MYBPC1: variants seen among roughly 807,000 people sequenced by gnomAD.
MYBPC1 encodes the protein myosin binding protein C1, also known as myosin-binding protein C, slow-type.
In MYBPC1, 52 loss-of-function variants were observed where a neutral mutation model predicts 147.1. The observed-to-expected ratio is 0.35, with a 90% CI of 0.28 to 0.45. The LOEUF (loss-of-function observed/expected upper bound fraction) is 0.45. Ranked by LOEUF, MYBPC1 falls within the 20% of genes least tolerant of loss-of-function variation. The pLI, the probability that MYBPC1 is intolerant of heterozygous loss-of-function variation, is 1.00. For missense variants in MYBPC1, 1,228 were observed against 1,440.3 expected, an observed-to-expected ratio of 0.85 and a Z score of 2.39; for synonymous variants, 477 against 475.9, an observed-to-expected ratio of 1.00 and a Z score of -0.03.
intron 29 of MYBPC1, among the ~76,000 whole-genome samples, chr12:101,681,745 A>C (rs950890909): frequency 6.7e-6 from 1 of 150,106 alleles, no homozygotes; most frequent in African/African-American, 2.5e-5. Context: ...AGTAGCTGGG[A>C]TTACAGGCAT....
At position 101,601,729 on chromosome 12, in the gene MYBPC1, C is replaced by CT. The variant is rs201401513; in HGVS notation, c.25+6643dup. ...TTAGATCTTATGATTTTGTTCTATT[C>CT]TTTTTTTTTGATGTGTATTTAGCTA... On this transcript the variant is annotated intron_variant, in intron 1 of 31. Transcript: ENST00000361466. Among the ~76,000 whole-genome samples, 1,004 of 151,030 alleles carry CT rather than the reference C, an allele frequency of 6.6e-3. 14 individuals are homozygous for CT. The highest frequency in any genetic ancestry group is 0.018 in the African/African-American group (750 of 40,956).
the MYBPC1 span, among the ~76,000 whole-genome samples, chr12:101,694,894 C>T: frequency 6.6e-6 from 1 of 151,984 alleles, no homozygotes; most frequent in Non-Finnish European, 1.5e-5. Flanking sequence ...GTTTATTTAC[C>T]CATTCAATAT....
rs1419291364 is a variant in MYBPC1 at position 101,675,296 on chromosome 12, T to C, written c.2814T>C (p.Arg938=). The C allele has an allele frequency of 1.2e-6, 2 of 1,613,916 alleles. No homozygotes were observed. Among genetic ancestry groups the C allele is most frequent in the East Asian group, 4.5e-5 (2 of 44,886 alleles). The part of the protein sequence containing the change: ...TASIDIQIID[R]PGPPQIVKIE... ...CACCATGAATTCATCCTGTAGACCG[T>C]CCAGGTCCACCCCAAATTGTGAAGA... is the stretch of plus-strand genomic sequence containing the variant. Residue 938 remains arginine (R), a synonymous_variant, in exon 26 of 32, where the codon CGT becomes CGC. Coordinates refer to ENST00000361466, the MANE Select transcript of MYBPC1 (RefSeq NM_002465.4).
At chr12:101,678,259 A>C in intron 28 of MYBPC1, 21 bp downstream of exon 28, 2 of 1,613,444 alleles carry the variant, frequency 1.2e-6, no homozygotes, top group African/African-American at 1.3e-5. Context: ...CTTCTATCAC[A>C]TCAGTTAAAG....
chr12:101,601,826 TG>T (rs1880112727), intron 1 of MYBPC1, among the ~76,000 whole-genome samples: 1 of 152,214 alleles, frequency 6.6e-6, no homozygotes, highest in African/African-American at 2.4e-5. Flanking sequence ...TTGCTTTGCT[TG>T]CATCTGGTGA....
rs183704396 is a variant in MYBPC1 at position 101,671,140 on chromosome 12, G to C, written c.2613+731G>C. 2.9e-3 allele frequency among the ~76,000 whole-genome samples: 444 copies of C among 152,294 alleles called. 1 individual carries two copies. The highest frequency in any genetic ancestry group is 5.1e-3 in the Non-Finnish European group (344 of 68,030). Reference sequence around the variant, plus strand: ...TGGTAGCCACTAGCCACATGTGGCTGTTGAGCACTTGAAACGTGTAACTAG... The same window carrying C: ...TGGTAGCCACTAGCCACATGTGGCTCTTGAGCACTTGAAACGTGTAACTAG... On this transcript the variant is annotated intron_variant, in intron 24 of 31. Coordinates refer to ENST00000361466, the MANE Select transcript of MYBPC1 (RefSeq NM_002465.4).
chr12:101,694,138 G>T, the MYBPC1 span, among the ~76,000 whole-genome samples: 2 of 152,202 alleles, frequency 1.3e-5, no homozygotes, highest in South Asian at 2.1e-4. Flanking sequence ...CATTTAGGTT[G>T]CTGTAGTTTG....
chr12:101,638,670 T>C (rs1891447441), intron 10 of MYBPC1, among the ~76,000 whole-genome samples: 1 of 151,956 alleles, frequency 6.6e-6, no homozygotes, highest in Non-Finnish European at 1.5e-5. Flanking sequence ...TTGCTCTGAT[T>C]AAAAAGGAAA....
chr12:101,652,635 A>C, intron 16 of MYBPC1, 43 bp from the exon 17 acceptor site: 2 of 1,403,830 alleles, frequency 1.4e-6, no homozygotes, highest in Non-Finnish European at 2.0e-6. Context: ...TATATAAACT[A>C]GATCTTTGGA....
rs190129005 is a variant in MYBPC1 at position 101,646,881 on chromosome 12, G to A, written c.1084G>A (p.Val362Ile). 2.0e-4 allele frequency: 325 copies of A among 1,614,080 alleles called. 1 individual carries two copies. The highest frequency in any genetic ancestry group is 5.3e-5 in the African/African-American group (4 of 75,024). ...GDEKCSTELF[V>I]REPPIMVTKQ... ...TGAGAAATGTTCCACTGAGCTCTTC[G>A]TAAGAGGTAAAAATGAAATCTCTTA... Residue 362 changes from valine to isoleucine, a missense_variant, in exon 13 of 32, where the codon GTA becomes ATA. Val to Ile is a conservative substitution (Grantham distance 29, BLOSUM62 3). Transcript: ENST00000361466.
chr12:101,674,073 T>C (rs1277996164), intron 25 of MYBPC1, among the ~76,000 whole-genome samples: 2 of 152,050 alleles, frequency 1.3e-5, no homozygotes, highest in African/African-American at 4.8e-5. Flanking sequence ...ACAGTAAGAT[T>C]TGTTACCATT....
At chr12:101,621,685 G>T (rs143642099) in intron 3 of MYBPC1, among the ~76,000 whole-genome samples, 2,325 of 152,198 alleles carry the variant, frequency 0.015, 28 homozygotes, top group Non-Finnish European at 0.022. Context: ...ATTGTCTCAA[G>T]TTTATATTGC....
intron 1 of MYBPC1, among the ~76,000 whole-genome samples, chr12:101,614,197 C>T (rs542303325): frequency 2.0e-5 from 3 of 152,172 alleles, no homozygotes; most frequent in African/African-American, 4.8e-5. Flanking sequence ...CAAGGACACT[C>T]GGATCCCCAT....
At chr12:101,610,749 G>A (rs370018547) in intron 1 of MYBPC1, among the ~76,000 whole-genome samples, 18 of 152,168 alleles carry the variant, frequency 1.2e-4, no homozygotes, top group African/African-American at 4.1e-4. Context: ...TTGAGAATAA[G>A]ACCAAGCAAT....
chr12:101,597,149 C>T (rs576518742), intron 1 of MYBPC1, among the ~76,000 whole-genome samples: 3 of 152,256 alleles, frequency 2.0e-5, no homozygotes, highest in African/African-American at 7.2e-5. Context: ...TCTTCTTCTC[C>T]TAACTGTGAT....
Position 101,667,902 on chromosome 12 carries a change from A to C in MYBPC1, c.2524+3A>C. The C allele has an allele frequency of 6.2e-7, 1 of 1,613,682 alleles. No homozygotes were observed. Among genetic ancestry groups the C allele is most frequent in the Non-Finnish European group, 8.5e-7 (1 of 1,179,764 alleles). On this transcript the variant is annotated splice_donor_region_variant and intron_variant, in intron 23 of 31. Transcript: ENST00000361466. ...CATTCTCGTGAAGGAAATCATAGGT[A>C]GGAGACAAGGCTTTCAAAAGTTAGA...
downstream of MYBPC1, among the ~76,000 whole-genome samples, chr12:101,689,718 C>G (rs1345093611): frequency 6.6e-6 from 1 of 152,148 alleles, no homozygotes; most frequent in Non-Finnish European, 1.5e-5. Context: ...TTGCTGCCCA[C>G]AAAACCTAGG....
chr12:101,685,106 T>C (rs879919196), intron 31 of MYBPC1, among the ~76,000 whole-genome samples: 4 of 152,232 alleles, frequency 2.6e-5, no homozygotes, highest in Non-Finnish European at 5.9e-5. Context: ...ATGACCAAAG[T>C]TAAAGGGAGT....
chr12:101,633,997 C>A (rs1890488703), intron 8 of MYBPC1, among the ~76,000 whole-genome samples: 1 of 151,624 alleles, frequency 6.6e-6, no homozygotes, highest in African/African-American at 2.4e-5. Context: ...CCCGGGTTCA[C>A]GCCATTCTCC....
Sources: allele counts gnomAD v4.1 joint callset (sites outside exome capture counted in the v4.1 genomes callset), GRCh38; gene constraint gnomAD v4.1.1; transcripts MANE v1.5; gene names NCBI Gene and HGNC (gene_info 2026-07-23, HGNC 2026-07-21).